Variants in TNFAIP8 observed in about 807,000 individuals in gnomAD.
TNFAIP8 encodes tumor necrosis factor alpha-induced protein 8.
A neutral mutation model predicts 13.3 loss-of-function variants in TNFAIP8; 7 were observed. The ratio of observed to expected loss-of-function variants is 0.52; its 90% CI spans 0.30 to 0.99. The LOEUF is 0.99. TNFAIP8 is among the 50% of genes least tolerant of loss of function. The probability of loss-of-function intolerance (pLI) is 0.07; values close to 1 mark genes in which losing one functional copy is unlikely to be tolerated. For synonymous variants in TNFAIP8, 94 were observed against 87.6 expected (o/e 1.07, Z -0.41); for missense variants, 258 against 236.9 (o/e 1.09, Z -0.58).
chr5:119,308,883 T>C (rs983952865), intron 1 of TNFAIP8, among the ~76,000 whole-genome samples: 2 of 151,640 alleles, frequency 1.3e-5, no homozygotes, highest in Non-Finnish European at 2.9e-5. Context: ...AAGACCATTC[T>C]GATATTGCAC....
intron 1 of TNFAIP8, chr5:119,333,506 G>A: frequency 6.7e-7 from 1 of 1,500,464 alleles, no homozygotes; most frequent in Admixed American, 2.2e-5. Flanking sequence ...CCCCGAGGGT[G>A]ATGCAGGTTC....
chr5:119,346,957 T>C (rs1486275121), intron 1 of TNFAIP8, among the ~76,000 whole-genome samples: 1 of 152,186 alleles, frequency 6.6e-6, no homozygotes, highest in Non-Finnish European at 1.5e-5. Flanking sequence ...AAGTGAAAAT[T>C]GTATGGGGTC....
At chr5:119,299,346 G>A (rs1470219175) in intron 1 of TNFAIP8, among the ~76,000 whole-genome samples, 2 of 152,180 alleles carry the variant, frequency 1.3e-5, no homozygotes, top group Non-Finnish European at 1.5e-5. Flanking sequence ...TCAGCTGCAG[G>A]TCTGTTGGAG....
chr5:119,295,214 GTTT>G, intron 1 of TNFAIP8, among the ~76,000 whole-genome samples: 2 of 49,212 alleles, frequency 4.1e-5, no homozygotes, highest in East Asian at 6.6e-4. Flanking sequence ...TAGGTCTAAC[GTTT>G]AGTCTAACGT....
chr5:119,333,567 G>A (rs1463005186), intron 1 of TNFAIP8: 2 of 1,535,500 alleles, frequency 1.3e-6, no homozygotes, highest in Admixed American at 2.0e-5. Context: ...AAGTCTGTAT[G>A]ACTCTACCAA....
intron 1 of TNFAIP8, among the ~76,000 whole-genome samples, chr5:119,363,540 G>A (rs779622294): frequency 1.3e-5 from 2 of 152,130 alleles, no homozygotes; most frequent in Non-Finnish European, 2.9e-5. Context: ...TCTTCCTGTG[G>A]CATCACACAA....
Position 119,393,554 on chromosome 5 carries a change from A to T in TNFAIP8, c.*173A>T, listed in dbSNP as rs1317164016. On this transcript the variant is annotated 3_prime_UTR_variant, in exon 2 of 2. Transcript: ENST00000504771. ...TGAAGGCTTGTTTTATTTGAAGAAA[A>T]GCATATTGCCAAAAATTCTGGTTAA... is the stretch of plus-strand genomic sequence containing the variant. 1 of 742,932 alleles carries T rather than the reference A, an allele frequency of 1.3e-6. No homozygotes were observed. Among genetic ancestry groups the T allele is most frequent in the African/African-American group, 1.8e-5 (1 of 56,358 alleles). The allele number at this position is 742,932 out of a possible 1,614,324, so 46.0% of individuals were successfully genotyped here. A position where few individuals can be genotyped will look rare whatever the true frequency, so the allele number is the denominator to read the frequency against.
rs143559878 is a variant in TNFAIP8 at position 119,350,148 on chromosome 5, C to T, written c.2-42668C>T. Among the ~76,000 whole-genome samples the T allele has an allele frequency of 9.7e-3, 1,472 of 152,234 alleles. 15 individuals are homozygous for T. Among genetic ancestry groups the T allele is most frequent in the Non-Finnish European group, 0.014 (938 of 68,026 alleles). On this transcript the variant is annotated intron_variant, in intron 1 of 1. Transcript: ENST00000274456. Reference sequence around the variant, plus strand: ...GTACATCCAGCCCTCCATATCTGTGCGTTCCATATTCATGGATTTGGCATC... The same window carrying T: ...GTACATCCAGCCCTCCATATCTGTGTGTTCCATATTCATGGATTTGGCATC...
chr5:119,324,365 T>C (rs1194620435), intron 1 of TNFAIP8, among the ~76,000 whole-genome samples: 8 of 143,560 alleles, frequency 5.6e-5, no homozygotes, highest in South Asian at 2.3e-4. Context: ...GGCTGGGAGC[T>C]CCTGGGTGAG....
chr5:119,295,390 C>G (rs1017562443), intron 1 of TNFAIP8, among the ~76,000 whole-genome samples: 4 of 151,778 alleles, frequency 2.6e-5, no homozygotes, highest in Non-Finnish European at 4.4e-5. Flanking sequence ...ATAGGGAATC[C>G]TTTCCCCATT....
At chr5:119,371,035 A>C (rs2112812384) in intron 1 of TNFAIP8, among the ~76,000 whole-genome samples, 1 of 152,344 alleles carries the variant, frequency 6.6e-6, no homozygotes, top group Middle Eastern at 3.4e-3. Flanking sequence ...TCAAGAATTA[A>C]ATCCCCTTTT....
intron 1 of TNFAIP8, among the ~76,000 whole-genome samples, chr5:119,349,044 C>G (rs1010257708): frequency 6.6e-6 from 1 of 152,170 alleles, no homozygotes; most frequent in Non-Finnish European, 1.5e-5. Flanking sequence ...TCCTGGCCAC[C>G]TCAGCCCCAC....
At chr5:119,323,610 T>G (rs1750128352) in intron 1 of TNFAIP8, among the ~76,000 whole-genome samples, 1 of 152,200 alleles carries the variant, frequency 6.6e-6, no homozygotes, top group Non-Finnish European at 1.5e-5. Context: ...TCTGTATGTT[T>G]CCCTCCACTC....
rs1021108806 is a variant in TNFAIP8 at position 119,323,461 on chromosome 5, C to T, written c.1+54554C>T. Among the ~76,000 whole-genome samples the T allele has an allele frequency of 5.3e-5, 8 of 152,092 alleles. 1 individual carries two copies. Among genetic ancestry groups the T allele is most frequent in the Non-Finnish European group, 1.2e-4 (8 of 68,026 alleles). ...GAGTCTAACATAGGGCACAGTAAGG[C>T]CTCAATAAATATTTGTTAAATAAAG... On this transcript the variant is annotated intron_variant, in intron 1 of 1. Transcript: ENST00000274456.
At chr5:119,353,648 T>TTATAAGGCTGACCGAGC (rs1554178072), upstream of TNFAIP8, among the ~76,000 whole-genome samples, 1 of 151,194 alleles carries the variant, frequency 6.6e-6, no homozygotes, top group Non-Finnish European at 1.5e-5. Flanking sequence ...CTAAAATGAA[T>TTATAAGGCTGACCGAGC]TATAAGGCTG....
At chr5:119,369,867 G>T (rs1752009718) in intron 1 of TNFAIP8, among the ~76,000 whole-genome samples, 1 of 152,196 alleles carries the variant, frequency 6.6e-6, no homozygotes, top group South Asian at 2.1e-4. Context: ...CCTAAAGTCA[G>T]AACAGACAGA....
chr5:119,344,416 A>T (rs538881663), intron 1 of TNFAIP8, among the ~76,000 whole-genome samples: 1 of 152,288 alleles, frequency 6.6e-6, no homozygotes, highest in South Asian at 2.1e-4. Flanking sequence ...AACACCTCCT[A>T]TCAGGCCCCA....
rs181586468 is a variant in TNFAIP8, at chr5:119,380,589, A to G, written c.32-12227A>G. ...TATGTAAATAAATCCAGCTTAATTG[A>G]AAAGTCTTTAGAAAGACTAATGTAT... is the stretch of plus-strand genomic sequence containing the variant. On this transcript the variant is annotated intron_variant, in intron 1 of 1. Coordinates refer to ENST00000504771, the MANE Select transcript of TNFAIP8 (RefSeq NM_014350.4). 3.9e-5 allele frequency among the ~76,000 whole-genome samples: 6 copies of G among 152,360 alleles called. No individual in the cohort carries two copies. The East Asian group carries it at 1.2e-3, about 29-fold the overall frequency.
rs1031602800 is a variant in TNFAIP8, at chr5:119,394,124, A to C, written c.*743A>C. The C allele has an allele frequency of 1.3e-5, 2 of 152,216 alleles. No homozygotes were observed. The highest frequency in any genetic ancestry group is 4.8e-5 in the African/African-American group (2 of 41,464). 9.4% of individuals were successfully genotyped at this position (152,216 alleles called of 1,614,324 possible). On this transcript the variant is annotated 3_prime_UTR_variant, in exon 2 of 2. Transcript: ENST00000504771. ...GGGCTTCTTTTATGTTATCTTAAAA[A>C]GTGCTGGTGAATTTTCCATTTTTTA...
Sources: allele counts gnomAD v4.1 joint callset (sites outside exome capture counted in the v4.1 genomes callset), GRCh38; gene constraint gnomAD v4.1.1; transcripts MANE v1.5; gene names NCBI Gene and HGNC (gene_info 2026-07-23, HGNC 2026-07-21).